PCSK2: variants seen among roughly 807,000 people sequenced by gnomAD.
PCSK2 encodes the protein neuroendocrine convertase 2.
A neutral mutation model predicts 69.7 loss-of-function variants in PCSK2; 14 were observed. That is an observed-to-expected ratio of 0.20 (90% CI 0.13 to 0.31). PCSK2 has a LOEUF of 0.31. Ranked by LOEUF, PCSK2 falls within the 10% of genes least tolerant of loss-of-function variation. The probability of loss-of-function intolerance (pLI) is 1.00; values close to 1 mark genes in which losing one functional copy is unlikely to be tolerated. For synonymous variants in PCSK2, 307 were observed against 320.7 expected (o/e 0.96, Z 0.46); for missense variants, 544 against 842.5 (o/e 0.65, Z 4.39).
chr20:17,245,009 C>T (rs11905642), intron 1 of PCSK2, among the ~76,000 whole-genome samples: 5,878 of 152,176 alleles, frequency 0.039, 371 homozygotes, highest in African/African-American at 0.13. Context: ...TGGGCAGATT[C>T]TTCCCAGGCA....
chr20:17,481,497 C>A, intron 11 of PCSK2, 87 bp from the exon 12 acceptor site: 1 of 1,307,584 alleles, frequency 7.6e-7, no homozygotes, highest in Non-Finnish European at 1.1e-6. Context: ...AGCCCTTGCC[C>A]TTTCCGCCAC....
At chr20:17,429,332 T>C (rs1262944643) in intron 6 of PCSK2, 103 bp from the exon 7 acceptor site, 1 of 805,092 alleles carries the variant, frequency 1.2e-6, no homozygotes, top group Non-Finnish European at 2.2e-6. Flanking sequence ...TTGTATATGA[T>C]ACGCAGATTT....
At chr20:17,281,339 C>T (rs1249080328) in intron 2 of PCSK2, among the ~76,000 whole-genome samples, 1 of 152,182 alleles carries the variant, frequency 6.6e-6, no homozygotes, top group Admixed American at 6.5e-5. Context: ...ATGAAGAATG[C>T]AGTCCAGAAG....
chr20:17,234,548 T>C (rs951262827), intron 1 of PCSK2, among the ~76,000 whole-genome samples: 1 of 152,244 alleles, frequency 6.6e-6, no homozygotes, highest in African/African-American at 2.4e-5. Context: ...TTCTCTAAAA[T>C]TCCCCAACTT....
chr20:17,385,450 C>G (rs2031209701), intron 5 of PCSK2, among the ~76,000 whole-genome samples: 1 of 152,178 alleles, frequency 6.6e-6, no homozygotes, highest in African/African-American at 2.4e-5. Flanking sequence ...AATAAAATCC[C>G]TGATTAAGAA....
chr20:17,360,965 A>C (rs2030371683), intron 4 of PCSK2, among the ~76,000 whole-genome samples: 1 of 152,206 alleles, frequency 6.6e-6, no homozygotes, highest in South Asian at 2.1e-4. Context: ...TATATTCACC[A>C]TCAATTTCTC....
intron 6 of PCSK2, among the ~76,000 whole-genome samples, chr20:17,418,868 C>G (rs1039334193): frequency 3.9e-5 from 6 of 152,208 alleles, no homozygotes; most frequent in African/African-American, 1.2e-4. Context: ...GGCTGACATG[C>G]TGAGCAGCGA....
chr20:17,255,980 A>G (rs994299993), intron 1 of PCSK2, among the ~76,000 whole-genome samples: 1 of 152,114 alleles, frequency 6.6e-6, no homozygotes, highest in Admixed American at 6.6e-5. Flanking sequence ...TCAATGAATT[A>G]GTTGGGAAGT....
chr20:17,246,677 C>T (rs1378117630), intron 1 of PCSK2, among the ~76,000 whole-genome samples: 4 of 151,980 alleles, frequency 2.6e-5, no homozygotes, highest in East Asian at 1.9e-4. Context: ...CCATGGGGGA[C>T]GTGGTCCAAA....
intron 5 of PCSK2, among the ~76,000 whole-genome samples, chr20:17,372,965 T>C (rs536824718): frequency 4.8e-4 from 73 of 152,160 alleles, no homozygotes; most frequent in African/African-American, 1.7e-3. Context: ...ATGAAACCAG[T>C]AGACAGTGAT....
At chr20:17,404,944 C>A (rs1284920360) in intron 5 of PCSK2, among the ~76,000 whole-genome samples, 1 of 152,188 alleles carries the variant, frequency 6.6e-6, no homozygotes, top group African/African-American at 2.4e-5. Context: ...TGTTCCGATA[C>A]AACTTTACTT....
intron 1 of PCSK2, among the ~76,000 whole-genome samples, 163 bp downstream of exon 1, chr20:17,227,645 C>T (rs768330237): frequency 7.2e-5 from 11 of 152,222 alleles, no homozygotes; most frequent in Non-Finnish European, 1.6e-4. Flanking sequence ...TGATCTTTCA[C>T]CGGTTATGTA....
intron 5 of PCSK2, among the ~76,000 whole-genome samples, chr20:17,389,610 TA>T (rs1165419059): frequency 1.3e-5 from 2 of 152,224 alleles, no homozygotes; most frequent in African/African-American, 2.4e-5. Context: ...CTTCTGGACT[TA>T]CTGCCTGGGG....
chr20:17,407,074 T>G lies in PCSK2; in HGVS notation c.544-2189T>G, dbSNP rs182818990. Among the ~76,000 whole-genome samples, 314 of 152,194 alleles carry G rather than the reference T, an allele frequency of 2.1e-3. 5 individuals carry two copies. Among genetic ancestry groups the G allele is most frequent in the East Asian group, 5.4e-3 (28 of 5,168 alleles). ...CCAGCTAGTTCTCAGCGTCACATCC[T>G]CACCAACCTCCGCTCCCTGCTCTCC... is the stretch of plus-strand genomic sequence containing the variant. On this transcript the variant is annotated intron_variant, in intron 5 of 11. Coordinates refer to ENST00000262545, the MANE Select transcript of PCSK2 (RefSeq NM_002594.5).
chr20:17,227,614 T>C, intron 1 of PCSK2, 132 bp downstream of exon 1: 1 of 658,110 alleles, frequency 1.5e-6, no homozygotes, highest in Non-Finnish European at 2.6e-6. Context: ...CATGGGCTCT[T>C]TAACACGATA....
chr20:17,358,186 C>A, intron 2 of PCSK2, 141 bp from the exon 3 acceptor site: 1 of 595,414 alleles, frequency 1.7e-6, no homozygotes, highest in Admixed American at 2.9e-5. Flanking sequence ...GTAAGGTGAG[C>A]ATGTATATGA....
intron 5 of PCSK2, among the ~76,000 whole-genome samples, chr20:17,376,039 T>G (rs1037290227): frequency 3.3e-5 from 5 of 152,198 alleles, no homozygotes; most frequent in Admixed American, 2.0e-4. Context: ...TGCTCCCAAC[T>G]GCCTACCCAC....
chr20:17,278,368 C>T (rs561498144), intron 2 of PCSK2, among the ~76,000 whole-genome samples: 20 of 152,292 alleles, frequency 1.3e-4, no homozygotes, highest in African/African-American at 4.6e-4. Flanking sequence ...GGCATATATA[C>T]ACTATGGAAT....
At chr20:17,445,364 T>G (rs982082848) in intron 8 of PCSK2, among the ~76,000 whole-genome samples, 3 of 152,192 alleles carry the variant, frequency 2.0e-5, no homozygotes, top group African/African-American at 7.2e-5. Flanking sequence ...TCCCAACTTC[T>G]TCTTAATCAC....
Sources: allele counts gnomAD v4.1 joint callset (sites outside exome capture counted in the v4.1 genomes callset), GRCh38; gene constraint gnomAD v4.1.1; transcripts MANE v1.5; gene names NCBI Gene and HGNC (gene_info 2026-07-23, HGNC 2026-07-21).